BCAS3: variants seen among roughly 807,000 people sequenced by gnomAD.
BCAS3 encodes the protein BCAS3 microtubule associated cell migration factor.
BCAS3 carries 53 observed loss-of-function variants against 116.1 expected under a neutral mutation model. That is an observed-to-expected ratio of 0.46 (90% CI 0.37 to 0.57). BCAS3 has a LOEUF of 0.57. BCAS3 is among the 20% of genes least tolerant of loss of function. The pLI is 0.00. For synonymous variants in BCAS3, 391 were observed against 408.2 expected, an observed-to-expected ratio of 0.96 and a Z score of 0.51; for missense variants, 917 against 1,165.4, an observed-to-expected ratio of 0.79 and a Z score of 3.10.
chr17:60,939,581 A>G (rs2060119064), intron 13 of BCAS3, among the ~76,000 whole-genome samples: 1 of 152,222 alleles, frequency 6.6e-6, no homozygotes, highest in Admixed American at 6.5e-5. Flanking sequence ...ATATTGTGTG[A>G]TTATATTTCA....
chr17:60,890,946 A>G (rs1352366652), intron 10 of BCAS3, among the ~76,000 whole-genome samples: 5 of 152,218 alleles, frequency 3.3e-5, no homozygotes, highest in African/African-American at 9.6e-5. Context: ...AAACTACTGA[A>G]GAAAATTATT....
In BCAS3 at chr17:61,270,029, T is replaced by G. The variant is rs575885883; in HGVS notation, c.2426-98298T>G. ...CATTTTTTCCAGGCTGGTCTCAAAC[T>G]CCTTGCCTCATGTGATCCACCCACC... On this transcript the variant is annotated intron_variant, in intron 22 of 23. Coordinates refer to ENST00000407086, the MANE Select transcript of BCAS3 (RefSeq NM_017679.5). Among the ~76,000 whole-genome samples the G allele has an allele frequency of 2.6e-5, 4 of 151,220 alleles. No individual in the cohort carries two copies. The South Asian group carries it at 8.4e-4, about 32-fold the overall frequency.
chr17:61,385,328 T>G (rs1480211452), intron 23 of BCAS3, among the ~76,000 whole-genome samples: 1 of 152,140 alleles, frequency 6.6e-6, no homozygotes, highest in Non-Finnish European at 1.5e-5. Context: ...TCTCTCTCTC[T>G]CTCCAAGCCC....
rs1216526057 is a variant in BCAS3, at chr17:61,199,066, G to C, written c.2425+114502G>C. ...TCCTGGAAAAAAAGTGTCCAGTAGA[G>C]TCTGTCCTTCCTGAGCTTAGTTAAA... On this transcript the variant is annotated intron_variant, in intron 22 of 23. Coordinates refer to ENST00000407086, the MANE Select transcript of BCAS3 (RefSeq NM_017679.5). The surrounding 1 kb of genome is among the most constrained non-coding windows in gnomAD (Gnocchi z 4.6). Among the ~76,000 whole-genome samples the C allele has an allele frequency of 1.3e-5, 2 of 152,182 alleles. No homozygotes were observed. The highest frequency in any genetic ancestry group is 3.8e-4 in the East Asian group (2 of 5,202).
At chr17:61,036,551 A>G (rs1324641970) in intron 17 of BCAS3, among the ~76,000 whole-genome samples, 1 of 151,992 alleles carries the variant, frequency 6.6e-6, no homozygotes, top group Non-Finnish European at 1.5e-5. Flanking sequence ...CTTCTGTTCT[A>G]ATTACCTTTT....
At position 60,967,122 on chromosome 17, in the gene BCAS3, T is replaced by C. The variant is rs2061701946; in HGVS notation, c.1221+19770T>C. ...TTATAGAGTATTTTGTGTTTCACCA[T>C]GTACTTTTTACCAGTGGGTTTTATA... On this transcript the variant is annotated intron_variant, in intron 14 of 23. Coordinates refer to ENST00000407086, the MANE Select transcript of BCAS3 (RefSeq NM_017679.5). This position sits in a 1 kb window ranked among gnomAD's most constrained non-coding sequence, Gnocchi z 4.7. Among the ~76,000 whole-genome samples, 1 of 152,246 alleles carries C rather than the reference T, an allele frequency of 6.6e-6. No individual in the cohort carries two copies. Among genetic ancestry groups the C allele is most frequent in the Admixed American group, 6.5e-5 (1 of 15,288 alleles).
chr17:60,906,097 C>T (rs1156971467), intron 11 of BCAS3, among the ~76,000 whole-genome samples: 1 of 152,200 alleles, frequency 6.6e-6, no homozygotes, highest in Non-Finnish European at 1.5e-5. Context: ...CTTATCTATG[C>T]TTGCAGCTTG....
intron 19 of BCAS3, among the ~76,000 whole-genome samples, chr17:61,057,437 T>C (rs905918450): frequency 3.9e-5 from 6 of 152,208 alleles, no homozygotes; most frequent in African/African-American, 1.4e-4. Context: ...CAGACACTGA[T>C]GGTTTTGACT....
chr17:61,139,474 A>G lies in BCAS3; in HGVS notation c.2425+54910A>G, dbSNP rs2076811554. Among the ~76,000 whole-genome samples, 1 of 152,216 alleles carries G rather than the reference A, an allele frequency of 6.6e-6. No homozygotes were observed. Among genetic ancestry groups the G allele is most frequent in the Admixed American group, 6.5e-5 (1 of 15,284 alleles). On this transcript the variant is annotated intron_variant, in intron 22 of 23. Transcript: ENST00000407086. This position sits in a 1 kb window ranked among gnomAD's most constrained non-coding sequence, Gnocchi z 4.7. ...TGGCTGCACCCTGTGCATTCTGGGC[A>G]CACATCATCTGGGCTCAGTGCGGGC...
chr17:61,050,594 T>C (rs2068769359), intron 19 of BCAS3, among the ~76,000 whole-genome samples: 3 of 152,008 alleles, frequency 2.0e-5, no homozygotes, highest in African/African-American at 7.2e-5. Context: ...CAAAATGTTG[T>C]ATCTAATATT....
In BCAS3 at chr17:61,051,295, T is replaced by TG. The variant is rs1176612720; in HGVS notation, c.2029+10407dup. 6.6e-6 allele frequency among the ~76,000 whole-genome samples: 1 copy of TG among 151,954 alleles called. No homozygotes were observed. The highest frequency in any genetic ancestry group is 2.4e-5 in the African/African-American group (1 of 41,422). On this transcript the variant is annotated intron_variant, in intron 19 of 23. Transcript: ENST00000407086. This position sits in a 1 kb window ranked among gnomAD's most constrained non-coding sequence, Gnocchi z 4.1. ...ATTAGTGGTGCCCAGGGATTAGGGATGGGGTGGGAGAGAATGTGGCTATAT... is the reference window on the plus strand; with the variant it reads ...ATTAGTGGTGCCCAGGGATTAGGGATGGGGGTGGGAGAGAATGTGGCTATAT...
intron 6 of BCAS3, among the ~76,000 whole-genome samples, chr17:60,769,385 C>G (rs2044423073): frequency 6.6e-6 from 1 of 152,122 alleles, no homozygotes; most frequent in Non-Finnish European, 1.5e-5. Flanking sequence ...TTCTTGTGCT[C>G]TGGTCATACA....
chr17:60,761,598 T>C (rs1405427350), intron 6 of BCAS3, among the ~76,000 whole-genome samples: 2 of 152,176 alleles, frequency 1.3e-5, no homozygotes, highest in Non-Finnish European at 2.9e-5. Flanking sequence ...CTTAATCCAG[T>C]CTATCATTGA....
At chr17:60,700,142 C>T (rs555256822) in intron 4 of BCAS3, among the ~76,000 whole-genome samples, 5 of 149,890 alleles carry the variant, frequency 3.3e-5, no homozygotes, top group Non-Finnish European at 7.4e-5. Flanking sequence ...TCATTGTACT[C>T]CAGTTTGGAC....
intron 22 of BCAS3, among the ~76,000 whole-genome samples, chr17:61,091,222 C>T (rs2073536185): frequency 6.6e-6 from 1 of 152,172 alleles, no homozygotes; most frequent in Non-Finnish European, 1.5e-5. Context: ...CTTTCCTAAG[C>T]ATTTTGAGAG....
chr17:61,292,625 TG>T (rs2052537541), intron 22 of BCAS3, among the ~76,000 whole-genome samples: 1 of 152,098 alleles, frequency 6.6e-6, no homozygotes, highest in Non-Finnish European at 1.5e-5. Context: ...CACTCCAGCC[TG>T]GGTGACAGAG....
At chr17:61,291,045 G>A (rs188375714) in intron 22 of BCAS3, among the ~76,000 whole-genome samples, 1 of 152,140 alleles carries the variant, frequency 6.6e-6, no homozygotes, top group Non-Finnish European at 1.5e-5. Flanking sequence ...CTCCCAAAGC[G>A]CTGGGATTAC....
rs762216181 is a variant in BCAS3 at position 61,368,343 on chromosome 17, C to T, written c.2442C>T (p.Ser814=). ...GTGCCACAGGTACCTTTGACAGGAG[C>T]GTGACCCTGCTGGAGGTGTGCGGGA... The part of the protein sequence containing the change: ...IDAASGTFDR[S]VTLLEVCGSW... The change falls in exon 23 of 24, where the codon AGC becomes AGT. Residue 814 remains serine, a synonymous_variant. Transcript: ENST00000407086. The surrounding 1 kb of genome is among the most constrained non-coding windows in gnomAD (Gnocchi z 6.0). 3.1e-6 allele frequency: 5 copies of T among 1,601,942 alleles called. No individual in the cohort carries two copies. In the South Asian group the frequency reaches 3.3e-5, roughly 11 times the overall value.
chr17:61,232,122 G>A (rs1006698379), intron 22 of BCAS3, among the ~76,000 whole-genome samples: 25 of 143,594 alleles, frequency 1.7e-4, no homozygotes, highest in African/African-American at 6.0e-4. Flanking sequence ...GGAGAATGGC[G>A]TGAACCCGGA....
Sources: gnomAD v4.1 joint callset for allele counts (sites outside exome capture counted in the v4.1 genomes callset) on GRCh38, gnomAD v4.1.1 for gene constraint, Gnocchi (gnomAD v3.1) non-coding constraint, MANE v1.5 for transcripts, NCBI Gene and HGNC (gene_info 2026-07-23, HGNC 2026-07-21) for gene names.